TDRD1: variants seen among roughly 807,000 people sequenced by gnomAD.
TDRD1 encodes the protein tudor domain-containing protein 1.
Under a neutral mutation model 140.6 loss-of-function variants are expected in TDRD1, and 37 were observed. The observed-to-expected ratio is 0.26, with a 90% confidence interval of 0.20 to 0.35. The LOEUF (loss-of-function observed/expected upper bound fraction) is 0.35, where lower values mean the gene tolerates loss of function less well. Ranked by LOEUF, TDRD1 falls within the 10% of genes least tolerant of loss-of-function variation. The probability of loss-of-function intolerance (pLI) is 1.00; values close to 1 mark genes in which losing one functional copy is unlikely to be tolerated. For missense variants in TDRD1, 1,243 were observed against 1,393.0 expected (o/e 0.89, Z 1.71); for synonymous variants, 506 against 475.7 (o/e 1.06, Z -0.83).
intron 6 of TDRD1, among the ~76,000 whole-genome samples, chr10:114,202,671 C>A (rs1014690592): frequency 6.6e-6 from 1 of 152,130 alleles, no homozygotes; most frequent in South Asian, 2.1e-4. Flanking sequence ...GAAAAACATC[C>A]GTCGTGTCCA....
intron 25 of TDRD1, chr10:114,228,575 C>G (rs2036576676): frequency 1.0e-6 from 1 of 984,932 alleles, no homozygotes; most frequent in African/African-American, 1.7e-5. Flanking sequence ...ATCTAAAGGG[C>G]CAAGAACGGA....
chr10:114,185,876 A>G (rs894085819), intron 1 of TDRD1, among the ~76,000 whole-genome samples: 1 of 152,260 alleles, frequency 6.6e-6, no homozygotes, highest in Non-Finnish European at 1.5e-5. Context: ...GGCATGAGCC[A>G]CCGTGCCTGG....
upstream of TDRD1, among the ~76,000 whole-genome samples, chr10:114,178,300 C>G (rs1404273597): frequency 2.0e-5 from 3 of 152,106 alleles, no homozygotes; most frequent in East Asian, 3.8e-4. Context: ...CCAGGGAGAG[C>G]CCAGAGAATT....
At chr10:114,203,103 TAGCCATTTGGGC>T (rs1564946926) in exon 7 of TDRD1, 2 of 1,613,796 alleles carry the variant, frequency 1.2e-6, no homozygotes, top group African/African-American at 2.7e-5. Flanking sequence ...ACTAAGGAAA[TAGCCATTTGGGC>T]TGAGAGAATA....
In TDRD1 at chr10:114,204,703, C is replaced by T; in HGVS notation, c.1126-19C>T. ...TTTAAATGGTAATTTTTGTAAGTAACCTGCGTAAAATTTTTCAGGCCATAA... is the reference window on the plus strand; with the variant it reads ...TTTAAATGGTAATTTTTGTAAGTAATCTGCGTAAAATTTTTCAGGCCATAA... On this transcript the variant is annotated intron_variant, in intron 9 of 25. Transcript: ENST00000251864. 1.3e-6 allele frequency: 2 copies of T among 1,563,644 alleles called. No homozygotes were observed. The highest frequency in any genetic ancestry group is 1.7e-6 in the Non-Finnish European group (2 of 1,165,118).
chr10:114,175,487 A>G (rs571863027), upstream of TDRD1, among the ~76,000 whole-genome samples: 1 of 152,234 alleles, frequency 6.6e-6, no homozygotes, highest in African/African-American at 2.4e-5. Context: ...TTTTCGTGAA[A>G]AAAAAGGTGT....
At chr10:114,174,892 G>A (rs1219931015), upstream of TDRD1, among the ~76,000 whole-genome samples, 2 of 152,236 alleles carry the variant, frequency 1.3e-5, no homozygotes, top group Non-Finnish European at 2.9e-5. Flanking sequence ...CCCAGAGAAG[G>A]AAGGTCAGCA....
At position 114,220,555 on chromosome 10, in the gene TDRD1, C is replaced by T; in HGVS notation, c.2495-13C>T. 1 of 1,600,928 alleles carries T rather than the reference C, an allele frequency of 6.2e-7. No homozygotes were observed. The highest frequency in any genetic ancestry group is 8.6e-7 in the Non-Finnish European group (1 of 1,169,452). On this transcript the variant is annotated splice_polypyrimidine_tract_variant and intron_variant, in intron 18 of 25. Transcript: ENST00000251864. The stretch of plus-strand genomic sequence containing the variant: ...TTCATAGGATTCTTTTTACTGCTGT[C>T]CTTATTTTCTAGATATACAGTCTAG...
chr10:114,230,634 A>C (rs76978880), intron 25 of TDRD1, among the ~76,000 whole-genome samples: 1,662 of 152,354 alleles, frequency 0.011, 23 homozygotes, highest in African/African-American at 0.038. Flanking sequence ...GATCAGTTAC[A>C]TAGGGCATGA....
chr10:114,202,777 T>C (rs988929314), intron 6 of TDRD1, among the ~76,000 whole-genome samples: 3 of 152,218 alleles, frequency 2.0e-5, no homozygotes, highest in Admixed American at 2.0e-4. Flanking sequence ...CAGAAAACAT[T>C]AACAAGTGCA....
chr10:114,185,803 G>A (rs541491144), intron 1 of TDRD1, among the ~76,000 whole-genome samples: 10 of 151,660 alleles, frequency 6.6e-5, no homozygotes, highest in Non-Finnish European at 1.5e-4. Flanking sequence ...TGTCCAGGCT[G>A]GTCTCGAACT....
At chr10:114,179,024 T>C (rs2032802529), upstream of TDRD1, among the ~76,000 whole-genome samples, 1 of 152,234 alleles carries the variant, frequency 6.6e-6, no homozygotes, top group African/African-American at 2.4e-5. Flanking sequence ...TTGGAAAACC[T>C]TGGAAGACCT....
At chr10:114,226,867 A>G (rs1475559593) in intron 22 of TDRD1, among the ~76,000 whole-genome samples, 6 of 152,276 alleles carry the variant, frequency 3.9e-5, no homozygotes, top group African/African-American at 1.2e-4. Context: ...CTCTAGTCCA[A>G]GATTAGTGCT....
Position 114,203,190 on chromosome 10 carries a change from T to C in TDRD1, c.801+14T>C, listed in dbSNP as rs756194331. 1.3e-6 allele frequency: 2 copies of C among 1,588,914 alleles called. No homozygotes were observed. Among genetic ancestry groups the C allele is most frequent in the African/African-American group, 2.7e-5 (2 of 74,306 alleles). On this transcript the variant is annotated intron_variant, in intron 7 of 25. Transcript: ENST00000251864. Reference sequence around the variant, plus strand: ...ATGGAAATAAAGGTATTTGTTTTTCTTCAATCTCCATAGACACAGATCCAG... The same window carrying C: ...ATGGAAATAAAGGTATTTGTTTTTCCTCAATCTCCATAGACACAGATCCAG...
intron 21 of TDRD1, 44 bp from the exon 22 acceptor site, chr10:114,226,005 T>C (rs1589717925): frequency 6.6e-7 from 1 of 1,525,886 alleles, no homozygotes; most frequent in East Asian, 2.2e-5. Context: ...GTAGGAGGAA[T>C]CACTGACTGT....
chr10:114,231,429 A>G, intron 25 of TDRD1: 5 of 1,382,558 alleles, frequency 3.6e-6, no homozygotes, highest in Non-Finnish European at 5.1e-6. Context: ...ATTAAAAGCC[A>G]TAGCAATTGA....
At chr10:114,188,064 C>G in exon 2 of TDRD1, 1 of 1,614,080 alleles carries the variant, frequency 6.2e-7, no homozygotes, top group Non-Finnish European at 8.5e-7. Flanking sequence ...CAATATTTGG[C>G]TAGTCAGGAA....
intron 7 of TDRD1, 95 bp downstream of exon 7, chr10:114,203,271 AT>A: frequency 6.7e-7 from 1 of 1,486,504 alleles, no homozygotes; most frequent in Non-Finnish European, 9.2e-7. Flanking sequence ...GCTACAAAAC[AT>A]AAACATTGCA....
At chr10:114,190,838 T>C in intron 2 of TDRD1, 123 bp from the exon 3 acceptor site, 1 of 884,164 alleles carries the variant, frequency 1.1e-6, no homozygotes. Flanking sequence ...TGTTCTGGTG[T>C]AGCTATAAGG....
Sources: gnomAD v4.1 joint callset for allele counts (sites outside exome capture counted in the v4.1 genomes callset) on GRCh38, gnomAD v4.1.1 for gene constraint, MANE v1.5 for transcripts, NCBI Gene and HGNC (gene_info 2026-07-23, HGNC 2026-07-21) for gene names.